Variants in EYS observed in about 807,000 individuals in gnomAD.
EYS encodes protein eyes shut homolog.
A neutral mutation model predicts 282.1 loss-of-function variants in EYS; 250 were observed. That is an observed-to-expected ratio of 0.89 (90% CI 0.80 to 0.98). The LOEUF is 0.98. Among genes scored for constraint, EYS ranks in the 50% least tolerant of loss-of-function variants. The probability of loss-of-function intolerance (pLI) is 0.00; values close to 1 mark genes in which losing one functional copy is unlikely to be tolerated. For missense variants in EYS, 4,016 were observed against 3,709.0 expected, an observed-to-expected ratio of 1.08 and a Z score of -2.15; for synonymous variants, 1,355 against 1,282.9, an observed-to-expected ratio of 1.06 and a Z score of -1.20.
intron 28 of EYS, 55 bp from the exon 29 acceptor site, chr6:64,388,895 TG>T: frequency 8.9e-7 from 1 of 1,122,464 alleles, no homozygotes; most frequent in Non-Finnish European, 1.2e-6. Flanking sequence ...AACATTTATC[TG>T]ACAAATTAAT....
At position 63,741,913 on chromosome 6, in the gene EYS, C is replaced by T. The variant is rs763138137; in HGVS notation, c.8072-15233G>A. 6 of 702,290 alleles carry T rather than the reference C, an allele frequency of 8.5e-6. No homozygotes were observed. In the East Asian group the frequency reaches 1.6e-4, roughly 19 times the overall value. The allele number at this position is 702,290 out of a possible 1,614,324, so 43.5% of individuals were successfully genotyped here. ...TTTTGCTGTTTGTACTGGTCCTTAC[C>T]CTCCTTCTTCACTTTCCGTTCTGCT... On this transcript the variant is annotated intron_variant, in intron 41 of 42. Coordinates refer to ENST00000503581, the MANE Select transcript of EYS (RefSeq NM_001142800.2).
At chr6:65,583,975 A>G (rs1764954865) in intron 2 of EYS, among the ~76,000 whole-genome samples, 1 of 152,186 alleles carries the variant, frequency 6.6e-6, no homozygotes, top group East Asian at 1.9e-4. Context: ...AATAAAAAAA[A>G]AAAATTTCAG....
chr6:63,931,899 T>TG (rs1291699072), intron 35 of EYS, among the ~76,000 whole-genome samples: 1 of 152,226 alleles, frequency 6.6e-6, no homozygotes, highest in East Asian at 1.9e-4. Context: ...AATTTTGTAT[T>TG]GTTACCCAGT....
At chr6:64,714,490 T>A (rs1299436121) in intron 22 of EYS, among the ~76,000 whole-genome samples, 1 of 151,632 alleles carries the variant, frequency 6.6e-6, no homozygotes, top group East Asian at 1.9e-4. Context: ...GCCATTTGAC[T>A]TATTTGAAAC....
chr6:65,336,957 A>C (rs939964667), intron 10 of EYS, among the ~76,000 whole-genome samples: 3 of 151,512 alleles, frequency 2.0e-5, no homozygotes, highest in Admixed American at 6.6e-5. Flanking sequence ...AAATGACAAT[A>C]GAATTTTACT....
chr6:64,415,399 A>G (rs1200700492), intron 28 of EYS, among the ~76,000 whole-genome samples: 2 of 152,206 alleles, frequency 1.3e-5, no homozygotes, highest in East Asian at 3.8e-4. Context: ...GTTTTATTCA[A>G]ACTGCATCTA....
At chr6:65,007,426 A>AG (rs965735726) in intron 13 of EYS, among the ~76,000 whole-genome samples, 14 of 152,286 alleles carry the variant, frequency 9.2e-5, no homozygotes, top group Admixed American at 7.8e-4. Flanking sequence ...ACCCTCTTCA[A>AG]GGGGGGAGAA....
intron 33 of EYS, among the ~76,000 whole-genome samples, chr6:64,011,310 T>G (rs1768613797): frequency 6.6e-6 from 1 of 152,190 alleles, no homozygotes. Flanking sequence ...TCTTTTTTTA[T>G]TATGAGAAAA....
At chr6:64,158,308 A>G (rs893575848) in intron 31 of EYS, among the ~76,000 whole-genome samples, 1 of 152,234 alleles carries the variant, frequency 6.6e-6, no homozygotes, top group East Asian at 1.9e-4. Flanking sequence ...CTTTTGCTGA[A>G]TTAATGAATA....
intron 35 of EYS, among the ~76,000 whole-genome samples, chr6:63,875,777 CT>C (rs1772951977): frequency 6.6e-6 from 1 of 152,180 alleles, no homozygotes; most frequent in Admixed American, 6.5e-5. Context: ...TTATAGTATT[CT>C]CTGATGGTAG....
rs536919349 is a variant in EYS, at chr6:64,605,935, G to A, written c.3684+11483C>T. ...TTCTTAAGTCACAGAATGTTCAACT[G>A]ACTGCTCATAAGAAAAGACATTTAT... On this transcript the variant is annotated intron_variant, in intron 24 of 42. Coordinates refer to ENST00000503581, the MANE Select transcript of EYS (RefSeq NM_001142800.2). 2.0e-5 allele frequency among the ~76,000 whole-genome samples: 3 copies of A among 152,028 alleles called. No individual in the cohort carries two copies. The South Asian group carries it at 6.2e-4, about 31-fold the overall frequency.
intron 12 of EYS, among the ~76,000 whole-genome samples, chr6:65,286,697 A>G: frequency 6.6e-6 from 1 of 151,746 alleles, no homozygotes; most frequent in Non-Finnish European, 1.5e-5. Context: ...AAAACAAGCT[A>G]TCAAAATAAA....
chr6:64,726,072 A>C (rs896874278), intron 22 of EYS, among the ~76,000 whole-genome samples: 1 of 152,062 alleles, frequency 6.6e-6, no homozygotes, highest in Non-Finnish European at 1.5e-5. Flanking sequence ...AATATCCAAG[A>C]CTTTTGTCTC....
intron 12 of EYS, among the ~76,000 whole-genome samples, chr6:65,108,192 T>A (rs1185232994): frequency 1.1e-4 from 5 of 46,682 alleles, no homozygotes; most frequent in African/African-American, 3.3e-4. Context: ...TGCAGGTCCG[T>A]TTAGAGATAA....
chr6:65,570,380 C>T (rs1324315966), intron 2 of EYS, among the ~76,000 whole-genome samples: 3 of 152,176 alleles, frequency 2.0e-5, no homozygotes, highest in African/African-American at 7.2e-5. Flanking sequence ...CAATGATTTA[C>T]TAGGACGTTT....
At chr6:64,476,989 A>G (rs1211056004) in intron 26 of EYS, among the ~76,000 whole-genome samples, 1 of 152,142 alleles carries the variant, frequency 6.6e-6, no homozygotes, top group Non-Finnish European at 1.5e-5. Context: ...AGTGGAATGT[A>G]GGAATATAAT....
chr6:64,522,754 C>G (rs954735741), intron 26 of EYS, among the ~76,000 whole-genome samples: 1 of 151,584 alleles, frequency 6.6e-6, no homozygotes, highest in East Asian at 1.9e-4. Flanking sequence ...TATACTCGAT[C>G]GCTGAAGGTT....
rs115386975 is a variant in EYS at position 65,167,080 on chromosome 6, T to C, written c.2024-109353A>G. ...ATGTGGAGAAATGGAACCTTGCATA[T>C]ACCATTGGTGGGAAGGTAAAATGGT... On this transcript the variant is annotated intron_variant, in intron 12 of 42. Transcript: ENST00000503581. Among the ~76,000 whole-genome samples the C allele has an allele frequency of 6.2e-3, 942 of 151,322 alleles. 12 individuals carry two copies. Among genetic ancestry groups the C allele is most frequent in the African/African-American group, 0.022 (892 of 41,416 alleles).
intron 22 of EYS, among the ~76,000 whole-genome samples, chr6:64,696,221 A>T (rs183636377): frequency 1.2e-4 from 19 of 152,334 alleles, no homozygotes; most frequent in Admixed American, 1.2e-3. Context: ...ATTACAAAAT[A>T]CATTTGAAAG....
Sources: gnomAD v4.1 joint callset for allele counts (sites outside exome capture counted in the v4.1 genomes callset) on GRCh38, gnomAD v4.1.1 for gene constraint, MANE v1.5 for transcripts, NCBI Gene and HGNC (gene_info 2026-07-23, HGNC 2026-07-21) for gene names.